The following DNAAF11 variants were observed in gnomAD, a reference collection of about 807,000 sequenced individuals.
The protein encoded by DNAAF11 is leucine rich repeat containing 6.
In DNAAF11, 45 loss-of-function variants were observed where a neutral mutation model predicts 60.8. The observed-to-expected ratio is 0.74, with a 90% CI of 0.58 to 0.95. DNAAF11 has a LOEUF of 0.95. DNAAF11 is among the 40% of genes least tolerant of loss of function. DNAAF11 has a pLI of 0.00. For missense variants in DNAAF11, 546 were observed against 546.2 expected, an observed-to-expected ratio of 1.00 and a Z score of 0.00; for synonymous variants, 191 against 183.5, an observed-to-expected ratio of 1.04 and a Z score of -0.33.
intron 7 of DNAAF11, among the ~76,000 whole-genome samples, chr8:132,618,982 T>C (rs898597811): frequency 0.014 from 2,203 of 152,238 alleles, 28 homozygotes; most frequent in Non-Finnish European, 0.023. Flanking sequence ...CATGCTGCTA[T>C]AAAGACACAT....
chr8:132,662,006 T>C (rs1245025313), intron 1 of DNAAF11, among the ~76,000 whole-genome samples: 1 of 152,182 alleles, frequency 6.6e-6, no homozygotes. Flanking sequence ...ACAGAGCAAC[T>C]TGCTACTGAG....
chr8:132,610,522 C>CA (rs1818559129), intron 9 of DNAAF11, among the ~76,000 whole-genome samples: 1 of 152,034 alleles, frequency 6.6e-6, no homozygotes, highest in African/African-American at 2.4e-5. Flanking sequence ...AAAGCCCTGT[C>CA]AAAAAACCAT....
At chr8:132,643,533 C>T (rs775964439) in intron 3 of DNAAF11, 42 of 418,388 alleles carry the variant, frequency 1.0e-4, no homozygotes, top group Admixed American at 2.3e-4. Context: ...GACCAGTCCC[C>T]GTAAATGGGT....
At chr8:132,618,140 C>T (rs1373840591) in intron 7 of DNAAF11, among the ~76,000 whole-genome samples, 1 of 151,934 alleles carries the variant, frequency 6.6e-6, no homozygotes, top group Non-Finnish European at 1.5e-5. Context: ...AGAAACAATG[C>T]CGCATATCTA....
At chr8:132,644,549 G>A (rs962508752) in intron 3 of DNAAF11, among the ~76,000 whole-genome samples, 6 of 152,118 alleles carry the variant, frequency 3.9e-5, no homozygotes, top group African/African-American at 1.4e-4. Context: ...CCTCACTCAG[G>A]AAGCACAAGG....
At chr8:132,625,038 TATACAAACA>T (rs1325288434) in intron 6 of DNAAF11, among the ~76,000 whole-genome samples, 2 of 152,150 alleles carry the variant, frequency 1.3e-5, no homozygotes, top group Admixed American at 6.5e-5. Flanking sequence ...AAGCTAAAGA[TATACAAACA>T]AACCTCTACC....
intron 3 of DNAAF11, among the ~76,000 whole-genome samples, chr8:132,647,179 G>A (rs1822484797): frequency 6.6e-6 from 1 of 152,174 alleles, no homozygotes; most frequent in African/African-American, 2.4e-5. Flanking sequence ...TCGAACTCAA[G>A]ATTAAGAAAT....
At chr8:132,579,832 T>C (rs190595772) in intron 11 of DNAAF11, among the ~76,000 whole-genome samples, 5 of 152,054 alleles carry the variant, frequency 3.3e-5, no homozygotes, top group Admixed American at 6.5e-5. Context: ...CTGTCTCTAC[T>C]AAAAATACCA....
chr8:132,625,129 A>T, intron 6 of DNAAF11, 143 bp downstream of exon 6: 2 of 534,926 alleles, frequency 3.7e-6, no homozygotes, highest in Non-Finnish European at 6.5e-6. Flanking sequence ...ATACAATTCA[A>T]CAAAAAGCTA....
chr8:132,701,884 C>A, the DNAAF11 span, among the ~76,000 whole-genome samples: 27 of 152,262 alleles, frequency 1.8e-4, no homozygotes, highest in African/African-American at 6.0e-4. Flanking sequence ...CTCCTAGGCC[C>A]AAAGTCCCCC....
At chr8:132,585,770 A>G (rs1321699936) in intron 10 of DNAAF11, among the ~76,000 whole-genome samples, 1 of 152,208 alleles carries the variant, frequency 6.6e-6, no homozygotes, top group African/African-American at 2.4e-5. Context: ...TAAGTCTAAA[A>G]TGTTGTATTT....
At chr8:132,701,147 C>G in the DNAAF11 span, among the ~76,000 whole-genome samples, 4 of 152,180 alleles carry the variant, frequency 2.6e-5, no homozygotes, top group Non-Finnish European at 5.9e-5. Flanking sequence ...GGTCCCACCT[C>G]TTAGCACTGT....
At chr8:132,581,886 T>C (rs534761264) in intron 11 of DNAAF11, among the ~76,000 whole-genome samples, 1 of 152,316 alleles carries the variant, frequency 6.6e-6, no homozygotes, top group African/African-American at 2.4e-5. Flanking sequence ...TCCCTTCGTT[T>C]GGAGGAATTT....
chr8:132,639,911 G>C (rs1396964163), intron 3 of DNAAF11, among the ~76,000 whole-genome samples: 1 of 151,404 alleles, frequency 6.6e-6, no homozygotes, highest in Non-Finnish European at 1.5e-5. Flanking sequence ...ATAGAGAAAA[G>C]ATAAAACGAG....
intron 3 of DNAAF11, 47 bp from the exon 4 acceptor site, chr8:132,638,154 C>A: frequency 6.8e-7 from 1 of 1,470,462 alleles, no homozygotes; most frequent in Non-Finnish European, 9.5e-7. Flanking sequence ...AGAAAAATCA[C>A]ACTGGTAACA....
chr8:132,656,628 C>T (rs972305702), intron 3 of DNAAF11, among the ~76,000 whole-genome samples: 7 of 152,152 alleles, frequency 4.6e-5, no homozygotes, highest in African/African-American at 1.4e-4. Context: ...CATGCCACCA[C>T]GCCTGGCTAA....
At chr8:132,610,408 T>C (rs1818545910) in intron 9 of DNAAF11, 147 bp from the exon 10 acceptor site, 3 of 593,958 alleles carry the variant, frequency 5.1e-6, no homozygotes, top group Non-Finnish European at 6.0e-6. Context: ...ATATGAGCTA[T>C]GCTTTCTATG....
At position 132,632,004 on chromosome 8, in the gene DNAAF11, T is replaced by G. The variant is rs140831208; in HGVS notation, c.653+736A>C. ...ACGTTGTGCACATGTACTCTAAAAC[T>G]TAAAGTATAATTTAAAAAAAAGTAA... On this transcript the variant is annotated intron_variant, in intron 5 of 11. Coordinates refer to ENST00000620350, the MANE Select transcript of DNAAF11 (RefSeq NM_012472.6). Among the ~76,000 whole-genome samples the G allele has an allele frequency of 1.8e-4, 27 of 151,214 alleles. No homozygotes were observed. The East Asian group carries it at 4.9e-3, about 27-fold the overall frequency.
chr8:132,677,717 C>T (rs374274356), upstream of DNAAF11, among the ~76,000 whole-genome samples: 9 of 152,038 alleles, frequency 5.9e-5, no homozygotes, highest in Admixed American at 6.5e-5. Flanking sequence ...CCATCCTGGG[C>T]GACATAGTGA....
Sources: allele counts gnomAD v4.1 joint callset (sites outside exome capture counted in the v4.1 genomes callset), GRCh38; gene constraint gnomAD v4.1.1; transcripts MANE v1.5; gene names NCBI Gene and HGNC (gene_info 2026-07-23, HGNC 2026-07-21).